The following LRTM1 variants were observed in gnomAD, a reference collection of about 807,000 sequenced individuals.
LRTM1 encodes leucine-rich repeat and transmembrane domain-containing protein 1.
A neutral mutation model predicts 32.4 loss-of-function variants in LRTM1; 38 were observed. The observed-to-expected ratio is 1.17, with a 90% CI of 0.91 to 1.54. The LOEUF is 1.54. LRTM1 is among the 40% of genes most tolerant of loss of function. LRTM1 has a pLI of 0.00. For missense variants in LRTM1, 466 were observed against 415.4 expected, an observed-to-expected ratio of 1.12 and a Z score of -1.06; for synonymous variants, 186 against 169.9, an observed-to-expected ratio of 1.09 and a Z score of -0.74.
chr3:54,937,309 A>G (rs1701354394), intron 1 of LRTM1, among the ~76,000 whole-genome samples: 1 of 152,204 alleles, frequency 6.6e-6, no homozygotes, highest in African/African-American at 2.4e-5. Flanking sequence ...CCAAATGGCC[A>G]CTACAGTGTA....
chr3:54,944,453 C>G (rs563463148), intron 1 of LRTM1, among the ~76,000 whole-genome samples: 3 of 151,814 alleles, frequency 2.0e-5, no homozygotes, highest in Non-Finnish European at 2.9e-5. Context: ...CGGAATCTCG[C>G]TCTGTCGCCC....
Position 54,918,650 on chromosome 3 carries a change from G to T in LRTM1, c.847C>A (p.Arg283Ser). Residue 283 changes from arginine to serine, a missense_variant, in exon 3 of 3, where the codon CGT becomes AGT. Physicochemically the swap from Arg to Ser is moderately radical, Grantham distance 110. Transcript: ENST00000273286. ...ATGATGACAGTGGCAATGGCATGAC[G>T]CAGGTTGGCCGGCCTTGGCTTGGGT... ...LKPKPRPANL[R>S]HAIATVIITG... 6.2e-7 allele frequency: 1 copy of T among 1,614,146 alleles called. No homozygotes were observed.
At chr3:54,956,385 G>T (rs745811587) in intron 1 of LRTM1, among the ~76,000 whole-genome samples, 1 of 152,218 alleles carries the variant, frequency 6.6e-6, no homozygotes, top group Admixed American at 6.5e-5. Flanking sequence ...GGACAATTTT[G>T]CTGTGTCAGG....
chr3:54,950,546 T>C (rs906452615), intron 1 of LRTM1, among the ~76,000 whole-genome samples: 6 of 152,222 alleles, frequency 3.9e-5, no homozygotes, highest in African/African-American at 7.2e-5. Context: ...TGCTTCCTCC[T>C]GTTTCCCAGC....
chr3:54,955,473 A>G (rs949720407), intron 1 of LRTM1, among the ~76,000 whole-genome samples: 3 of 152,122 alleles, frequency 2.0e-5, no homozygotes, highest in African/African-American at 7.2e-5. Flanking sequence ...AAAAAGAAAA[A>G]AAAGCTCTCT....
chr3:54,937,898 T>C (rs956489506), intron 1 of LRTM1, among the ~76,000 whole-genome samples: 2 of 152,020 alleles, frequency 1.3e-5, no homozygotes, highest in Non-Finnish European at 1.5e-5. Context: ...CTGGTTGCTG[T>C]CCCCGACCTC....
At chr3:54,924,576 C>T in intron 2 of LRTM1, 43 bp downstream of exon 2, 11 of 1,456,114 alleles carry the variant, frequency 7.6e-6, no homozygotes, top group Non-Finnish European at 8.6e-6. Flanking sequence ...TCATCCTAGG[C>T]TGGTAACACA....
At chr3:54,946,659 A>C (rs1016139379) in intron 1 of LRTM1, among the ~76,000 whole-genome samples, 6 of 151,962 alleles carry the variant, frequency 3.9e-5, no homozygotes, top group African/African-American at 1.2e-4. Context: ...GCTGGGTGCA[A>C]ACCTGGGGGG....
intron 1 of LRTM1, among the ~76,000 whole-genome samples, chr3:54,963,717 ATC>A (rs1461961419): frequency 6.6e-6 from 1 of 152,022 alleles, no homozygotes; most frequent in African/African-American, 2.4e-5. Context: ...TGAAGTGTGA[ATC>A]TCTCTTCGGT....
intron 1 of LRTM1, among the ~76,000 whole-genome samples, chr3:54,950,424 A>G (rs1014174149): frequency 5.3e-5 from 8 of 152,156 alleles, no homozygotes; most frequent in Admixed American, 3.9e-4. Flanking sequence ...GAACCTGTGT[A>G]TGCTGTGAAA....
intron 1 of LRTM1, among the ~76,000 whole-genome samples, chr3:54,936,923 T>G (rs1199699037): frequency 2.0e-5 from 3 of 152,168 alleles, no homozygotes; most frequent in African/African-American, 7.2e-5. Context: ...ATGCTCTCAC[T>G]GCTACGGCTG....
chr3:54,940,648 G>C (rs1054482158), intron 1 of LRTM1, among the ~76,000 whole-genome samples: 1 of 151,190 alleles, frequency 6.6e-6, no homozygotes, highest in South Asian at 2.1e-4. Context: ...AGTTTTCTGG[G>C]TGTGAATGCC....
chr3:54,946,532 T>C (rs974849493), intron 1 of LRTM1, among the ~76,000 whole-genome samples: 3 of 152,068 alleles, frequency 2.0e-5, no homozygotes, highest in Non-Finnish European at 4.4e-5. Flanking sequence ...AGAGAAAGCC[T>C]CTTAGAAACA....
rs371429668 is a variant in LRTM1, at chr3:54,927,895, C to G, written c.7+10G>C. The G allele has an allele frequency of 2.5e-6, 4 of 1,613,650 alleles. No homozygotes were observed. Among genetic ancestry groups the G allele is most frequent in the Non-Finnish European group, 2.5e-6 (3 of 1,179,680 alleles). ...AAGAACTTTTCCAACGGGAATTGAT[C>G]AGGGCTCACCTTTCATGACTGAGTC... On this transcript the variant is annotated intron_variant, in intron 1 of 2. Transcript: ENST00000273286.
chr3:54,955,252 G>C (rs1701855529), intron 1 of LRTM1, among the ~76,000 whole-genome samples: 1 of 152,074 alleles, frequency 6.6e-6, no homozygotes, highest in Admixed American at 6.6e-5. Flanking sequence ...GAAGGTGAGG[G>C]GCAGAGCTGC....
In LRTM1 at chr3:54,925,031, A is replaced by G. The variant is rs375697268; in HGVS notation, c.192T>C (p.His64=). ...CTGACCTAAATGCAAAAGCAGGAAG[A>G]TGGTGTATCTGATTATCTTGTAAAT... ...TLHLQDNQIH[H]LPAFAFRSVP... is the part of the protein sequence containing the mutation. The change falls in exon 2 of 3, where the codon CAT becomes CAC. Residue 64 remains histidine, a synonymous_variant. Transcript: ENST00000273286. The G allele has an allele frequency of 1.5e-4, 236 of 1,614,022 alleles. No homozygotes were observed. Among genetic ancestry groups the G allele is most frequent in the Non-Finnish European group, 1.9e-4 (224 of 1,180,016 alleles).
chr3:54,941,955 C>G (rs1701478733), intron 1 of LRTM1, among the ~76,000 whole-genome samples: 1 of 152,216 alleles, frequency 6.6e-6, no homozygotes, highest in African/African-American at 2.4e-5. Context: ...TGACAGCTGC[C>G]TTTCAGTAAA....
At chr3:54,919,838 T>A (rs1700783987) in intron 2 of LRTM1, among the ~76,000 whole-genome samples, 1 of 152,210 alleles carries the variant, frequency 6.6e-6, no homozygotes, top group South Asian at 2.1e-4. Context: ...CTCACAGAGG[T>A]CACGAGTGGA....
chr3:54,930,189 G>T (rs1479852972), upstream of LRTM1, among the ~76,000 whole-genome samples: 1 of 152,210 alleles, frequency 6.6e-6, no homozygotes, highest in East Asian at 1.9e-4. Flanking sequence ...GCAAACTCTG[G>T]TTATCCCATC....
Sources: gnomAD v4.1 joint callset for allele counts (sites outside exome capture counted in the v4.1 genomes callset) on GRCh38, gnomAD v4.1.1 for gene constraint, MANE v1.5 for transcripts, NCBI Gene and HGNC (gene_info 2026-07-23, HGNC 2026-07-21) for gene names.